ATP2C1: variants seen among roughly 807,000 people sequenced by gnomAD.
The protein encoded by ATP2C1 is calcium-transporting ATPase type 2C member 1.
In ATP2C1, 31 loss-of-function variants were observed where a neutral mutation model predicts 120.5. The ratio of observed to expected loss-of-function variants is 0.26; its 90% confidence interval spans 0.19 to 0.35. The LOEUF is 0.35. ATP2C1 is among the 10% of genes least tolerant of loss of function. The pLI, the probability that ATP2C1 is intolerant of heterozygous loss-of-function variation, is 1.00. For synonymous variants in ATP2C1, 351 were observed against 358.7 expected, an observed-to-expected ratio of 0.98 and a Z score of 0.24; for missense variants, 731 against 1,107.5, an observed-to-expected ratio of 0.66 and a Z score of 4.83.
At chr3:130,969,736 T>G (rs1182499810) in intron 17 of ATP2C1, among the ~76,000 whole-genome samples, 1 of 152,250 alleles carries the variant, frequency 6.6e-6, no homozygotes, top group Non-Finnish European at 1.5e-5. Flanking sequence ...CTTTGCAGAC[T>G]GTGTTTCAAT....
chr3:130,939,150 C>A (rs1020961837), intron 6 of ATP2C1, among the ~76,000 whole-genome samples: 1 of 152,068 alleles, frequency 6.6e-6, no homozygotes, highest in Non-Finnish European at 1.5e-5. Context: ...AAGTAAAAAT[C>A]CTCTCCAAAA....
intron 7 of ATP2C1, 119 bp from the exon 8 acceptor site, chr3:130,941,472 C>G (rs1325470049): frequency 1.3e-6 from 1 of 764,794 alleles, no homozygotes; most frequent in Non-Finnish European, 2.3e-6. Context: ...TAGAAACAGT[C>G]TTTTTCTTGG....
intron 2 of ATP2C1, among the ~76,000 whole-genome samples, chr3:130,917,933 T>G (rs889610296): frequency 6.6e-6 from 1 of 152,220 alleles, no homozygotes; most frequent in Non-Finnish European, 1.5e-5. Flanking sequence ...CTTAGCATGG[T>G]GTCCTCAAGA....
chr3:130,941,516 C>A, intron 7 of ATP2C1, 75 bp from the exon 8 acceptor site: 1 of 1,251,834 alleles, frequency 8.0e-7, no homozygotes, highest in Non-Finnish European at 1.2e-6. Flanking sequence ...GACAAGCCTA[C>A]TGGAAATAAT....
At chr3:130,946,411 G>C (rs1284280200) in intron 8 of ATP2C1, among the ~76,000 whole-genome samples, 1 of 152,194 alleles carries the variant, frequency 6.6e-6, no homozygotes, top group Non-Finnish European at 1.5e-5. Context: ...CTAGTTCTAA[G>C]GAGAAGTAAA....
intron 16 of ATP2C1, 28 bp downstream of exon 16, chr3:130,967,447 C>T: frequency 6.4e-7 from 1 of 1,563,402 alleles, no homozygotes; most frequent in Non-Finnish European, 8.8e-7. Flanking sequence ...TCTTCTTTGA[C>T]ATTTGAGACA....
chr3:130,965,422 C>T (rs774995776), intron 14 of ATP2C1, among the ~76,000 whole-genome samples: 11 of 152,024 alleles, frequency 7.2e-5, no homozygotes, highest in South Asian at 2.1e-4. Flanking sequence ...ATTCTTGATG[C>T]CCTCACTCCA....
At chr3:130,961,989 A>G (rs1481052825) in intron 12 of ATP2C1, among the ~76,000 whole-genome samples, 1 of 152,080 alleles carries the variant, frequency 6.6e-6, no homozygotes, top group Non-Finnish European at 1.5e-5. Context: ...CAAAAAAGAA[A>G]CAGGTATTCT....
intron 8 of ATP2C1, among the ~76,000 whole-genome samples, chr3:130,948,419 T>C (rs192235139): frequency 1.4e-4 from 22 of 151,914 alleles, no homozygotes; most frequent in African/African-American, 5.3e-4. Flanking sequence ...TTATTAATCT[T>C]AATGAAAATT....
chr3:130,945,054 C>G (rs954941554), intron 8 of ATP2C1, among the ~76,000 whole-genome samples: 3 of 151,968 alleles, frequency 2.0e-5, no homozygotes, highest in Admixed American at 2.0e-4. Context: ...TATTTTCCAC[C>G]TGTGATTGCT....
chr3:131,015,356 C>T (rs1265479325), intron 26 of ATP2C1: 1 of 620,124 alleles, frequency 1.6e-6, no homozygotes, highest in African/African-American at 1.9e-5. Context: ...TTATCTTCAT[C>T]TCTCCCTCAA....
At chr3:130,856,129 A>T (rs974598399) in intron 1 of ATP2C1, 1 of 152,208 alleles carries the variant, frequency 6.6e-6, no homozygotes, top group African/African-American at 2.4e-5. Context: ...AGTAGAATCA[A>T]ATTTTGTTTT....
chr3:130,932,276 T>A (rs2059482798), intron 4 of ATP2C1, 138 bp downstream of exon 4: 1 of 649,390 alleles, frequency 1.5e-6, no homozygotes, highest in Non-Finnish European at 2.7e-6. Context: ...AATTTTTCAT[T>A]TGTTGGGGCT....
intron 24 of ATP2C1, 123 bp from the exon 25 acceptor site, chr3:130,997,483 C>G: frequency 1.1e-6 from 1 of 896,640 alleles, no homozygotes; most frequent in Non-Finnish European, 1.7e-6. Flanking sequence ...TTTTATGATG[C>G]AACATTTTGT....
rs2061494463 is a variant in ATP2C1, at chr3:130,975,391, T to G, written c.1473T>G (p.Thr491=). 6.2e-7 allele frequency: 1 copy of G among 1,613,764 alleles called. No homozygotes were observed. The highest frequency in any genetic ancestry group is 1.3e-5 in the African/African-American group (1 of 74,900). The change falls in exon 18 of 28, where the codon ACT becomes ACG. Residue 491 remains threonine (T), a synonymous_variant. Coordinates refer to ENST00000510168, the MANE Select transcript of ATP2C1 (RefSeq NM_001378687.1). ...GAYEQVIKYC[T]TYQSKGQTLT... ...ACGAACAAGTAATTAAGTACTGTAC[T>G]ACATACCAGAGCAAAGGGCAGACCT...
At chr3:130,950,797 G>T (rs1413072879) in intron 8 of ATP2C1, among the ~76,000 whole-genome samples, 1 of 151,804 alleles carries the variant, frequency 6.6e-6, no homozygotes, top group African/African-American at 2.4e-5. Flanking sequence ...AGTGATTGTT[G>T]TTCTGAGGCT....
intron 6 of ATP2C1, 145 bp from the exon 7 acceptor site, chr3:130,940,485 A>G (rs1559950048): frequency 3.1e-6 from 2 of 646,378 alleles, no homozygotes; most frequent in Non-Finnish European, 5.5e-6. Context: ...ATAAGGGACA[A>G]GCTTTTCTGG....
chr3:130,976,041 G>T (rs369930736), intron 18 of ATP2C1, among the ~76,000 whole-genome samples: 1 of 151,930 alleles, frequency 6.6e-6, no homozygotes, highest in Non-Finnish European at 1.5e-5. Flanking sequence ...TCGGGGGTTG[G>T]TGGTTGGTGT....
chr3:131,013,345 G>A (rs1330015045), intron 26 of ATP2C1, among the ~76,000 whole-genome samples: 1 of 152,182 alleles, frequency 6.6e-6, no homozygotes, highest in Non-Finnish European at 1.5e-5. Context: ...TGCTGGGTAT[G>A]ACTCATTAAA....
Sources: allele counts gnomAD v4.1 joint callset (sites outside exome capture counted in the v4.1 genomes callset), GRCh38; gene constraint gnomAD v4.1.1; transcripts MANE v1.5; gene names NCBI Gene and HGNC (gene_info 2026-07-23, HGNC 2026-07-21).